The following SDK1 variants were observed in gnomAD, a reference collection of about 807,000 sequenced individuals.
SDK1 encodes the protein protein sidekick-1.
Under a neutral mutation model 245.5 loss-of-function variants are expected in SDK1, and 157 were observed. The observed-to-expected ratio is 0.64, with a 90% CI of 0.56 to 0.73. SDK1 has a LOEUF of 0.73. Among genes scored for constraint, SDK1 ranks in the 30% least tolerant of loss-of-function variants. SDK1 has a pLI of 0.00. For synonymous variants in SDK1, 1,647 were observed against 1,278.5 expected (o/e 1.29, Z -6.15); for missense variants, 3,583 against 3,002.3 (o/e 1.19, Z -4.52).
intron 17 of SDK1, among the ~76,000 whole-genome samples, chr7:4,046,896 T>C (rs1789054866): frequency 6.6e-6 from 1 of 151,970 alleles, no homozygotes; most frequent in Non-Finnish European, 1.5e-5. Context: ...GGGATTTAGA[T>C]TGGGGTTTTA....
intron 30 of SDK1, 134 bp from the exon 31 acceptor site, chr7:4,158,314 C>G (rs1019262305): frequency 6.0e-6 from 4 of 663,848 alleles, no homozygotes; most frequent in East Asian, 5.5e-5. Flanking sequence ...TAAGCTGTCT[C>G]GGGCCCACAC....
intron 4 of SDK1, among the ~76,000 whole-genome samples, chr7:3,726,470 A>G (rs1401189072): frequency 6.6e-6 from 1 of 152,204 alleles, no homozygotes; most frequent in Non-Finnish European, 1.5e-5. Context: ...ACCCTTTTGC[A>G]TGTTTTCCTG....
At chr7:3,465,203 T>G (rs1437485143) in intron 1 of SDK1, among the ~76,000 whole-genome samples, 1 of 152,138 alleles carries the variant, frequency 6.6e-6, no homozygotes, top group African/African-American at 2.4e-5. Flanking sequence ...GCTTTTTGAC[T>G]TGTAGCATCT....
chr7:3,774,548 A>G (rs1314169827), intron 4 of SDK1, among the ~76,000 whole-genome samples: 4 of 152,174 alleles, frequency 2.6e-5, no homozygotes, highest in Non-Finnish European at 5.9e-5. Context: ...ACTTCAATTT[A>G]CTGTCCAAGC....
chr7:3,510,570 T>C (rs1363371718), intron 1 of SDK1, among the ~76,000 whole-genome samples: 1 of 152,122 alleles, frequency 6.6e-6, no homozygotes, highest in Non-Finnish European at 1.5e-5. Flanking sequence ...TGTGCACTTT[T>C]GAGGTTACAG....
At chr7:3,559,390 G>T (rs1454489369) in intron 1 of SDK1, among the ~76,000 whole-genome samples, 1 of 151,998 alleles carries the variant, frequency 6.6e-6, no homozygotes, top group African/African-American at 2.4e-5. Context: ...GACTCTGCTT[G>T]GATCCATTTC....
At chr7:3,650,041 G>T (rs1418182321) in intron 4 of SDK1, among the ~76,000 whole-genome samples, 1 of 145,142 alleles carries the variant, frequency 6.9e-6, no homozygotes, top group African/African-American at 2.5e-5. Flanking sequence ...AATTAAAATT[G>T]TGGTAAAACA....
At chr7:3,794,238 G>A (rs894871316) in intron 4 of SDK1, among the ~76,000 whole-genome samples, 14 of 152,098 alleles carry the variant, frequency 9.2e-5, no homozygotes, top group Non-Finnish European at 1.3e-4. Flanking sequence ...CAGCATGGCC[G>A]AATGTCCCTT....
chr7:3,446,243 C>G (rs1780337788), intron 1 of SDK1, among the ~76,000 whole-genome samples: 1 of 152,062 alleles, frequency 6.6e-6, no homozygotes, highest in South Asian at 2.1e-4. Flanking sequence ...CTGTCTGTAA[C>G]CTTGAAACCC....
At chr7:3,501,417 A>G (rs1374298847) in intron 1 of SDK1, among the ~76,000 whole-genome samples, 2 of 152,038 alleles carry the variant, frequency 1.3e-5, no homozygotes. Flanking sequence ...AAAGTAGAAC[A>G]GTTAGGTTCC....
intron 4 of SDK1, among the ~76,000 whole-genome samples, chr7:3,685,470 T>C (rs1008803749): frequency 6.6e-6 from 1 of 152,182 alleles, no homozygotes; most frequent in Admixed American, 6.5e-5. Flanking sequence ...GCATAAAATA[T>C]TCTAAACAGA....
intron 14 of SDK1, among the ~76,000 whole-genome samples, chr7:3,993,540 T>C (rs1247162771): frequency 6.6e-6 from 1 of 152,228 alleles, no homozygotes; most frequent in South Asian, 2.1e-4. Flanking sequence ...AATTAAAATG[T>C]AAAATACATT....
chr7:3,452,597 G>T (rs1481661515), intron 1 of SDK1, among the ~76,000 whole-genome samples: 1 of 152,092 alleles, frequency 6.6e-6, no homozygotes, highest in Non-Finnish European at 1.5e-5. Context: ...ACTAATATAA[G>T]GCACTCTTGC....
chr7:3,473,726 G>C (rs1781254591), intron 1 of SDK1, among the ~76,000 whole-genome samples: 1 of 150,896 alleles, frequency 6.6e-6, no homozygotes, highest in Non-Finnish European at 1.5e-5. Context: ...TCTACTTCTT[G>C]CTGCTGCCTC....
At chr7:4,060,003 C>T (rs1779433352) in intron 19 of SDK1, among the ~76,000 whole-genome samples, 1 of 151,974 alleles carries the variant, frequency 6.6e-6, no homozygotes, top group Admixed American at 6.6e-5. Context: ...CTTCAGCCTC[C>T]TCAGTAGCTG....
chr7:3,887,870 G>A (rs1028083226), intron 5 of SDK1, among the ~76,000 whole-genome samples: 12 of 152,120 alleles, frequency 7.9e-5, no homozygotes, highest in South Asian at 6.2e-4. Context: ...ATTTCTTTCC[G>A]CCTTAGCAAC....
At chr7:3,525,606 G>C (rs1783101615) in intron 1 of SDK1, among the ~76,000 whole-genome samples, 1 of 151,968 alleles carries the variant, frequency 6.6e-6, no homozygotes, top group Non-Finnish European at 1.5e-5. Flanking sequence ...CATTAGGTCG[G>C]GTTAATTCCT....
chr7:3,664,220 T>A (rs1163420959), intron 4 of SDK1, among the ~76,000 whole-genome samples: 1 of 152,072 alleles, frequency 6.6e-6, no homozygotes, highest in Non-Finnish European at 1.5e-5. Flanking sequence ...ATGAGGCAAG[T>A]CAGAGGTGTG....
intron 4 of SDK1, among the ~76,000 whole-genome samples, chr7:3,682,226 A>G (rs749799784): frequency 3.3e-5 from 5 of 152,206 alleles, no homozygotes; most frequent in African/African-American, 1.2e-4. Context: ...AGATGATATT[A>G]TGGAGGCACC....
Sources: gnomAD v4.1 joint callset for allele counts (sites outside exome capture counted in the v4.1 genomes callset) on GRCh38, gnomAD v4.1.1 for gene constraint, MANE v1.5 for transcripts, NCBI Gene and HGNC (gene_info 2026-07-23, HGNC 2026-07-21) for gene names.